Variants in THTPA observed in about 807,000 individuals in gnomAD.
THTPA encodes thiamine triphosphatase.
A neutral mutation model predicts 16.5 loss-of-function variants in THTPA; 16 were observed. The ratio of observed to expected loss-of-function variants is 0.97; its 90% CI spans 0.66 to 1.47. The LOEUF is 1.47. THTPA is among the 40% of genes most tolerant of loss of function. The pLI is 0.00. For synonymous variants in THTPA, 110 were observed against 115.5 expected (o/e 0.95, Z 0.30); for missense variants, 281 against 280.9 (o/e 1.00, Z 0.00).
chr14:23,556,568 C>G lies in THTPA; in HGVS notation c.-190C>G, dbSNP rs922020114. 13 of 620,756 alleles carry G rather than the reference C, an allele frequency of 2.1e-5. No homozygotes were observed. The highest frequency in any genetic ancestry group is 3.6e-5 in the Non-Finnish European group (13 of 361,080). The allele number at this position is 620,756 out of a possible 1,614,324, so 38.5% of individuals were successfully genotyped here. ...CACTGTCAGAGCCTTAAAATATCAC[C>G]GACGGGGCCTTAATGTCACCGAGGT... On this transcript the variant is annotated 5_prime_UTR_variant, in exon 1 of 2. Coordinates refer to ENST00000288014, the MANE Select transcript of THTPA (RefSeq NM_024328.6).
the THTPA span, among the ~76,000 whole-genome samples, chr14:23,518,917 C>T: frequency 6.6e-6 from 1 of 152,172 alleles, no homozygotes; most frequent in Non-Finnish European, 1.5e-5. This position sits in a 1 kb window ranked among gnomAD's most constrained non-coding sequence, Gnocchi z 4.5. Context: ...CTAAGGACTT[C>T]TGGTGTGAGA....
the THTPA span, chr14:23,532,551 C>T: frequency 0.016 from 22,858 of 1,432,724 alleles, 208 homozygotes; most frequent in Middle Eastern, 0.021. Context: ...GATGGCCCTT[C>T]CTGACCCAGC....
the THTPA span, among the ~76,000 whole-genome samples, chr14:23,536,932 G>T: frequency 6.6e-6 from 1 of 152,206 alleles, no homozygotes; most frequent in African/African-American, 2.4e-5. Flanking sequence ...GAGGTCAGGA[G>T]TTTGAGACTA....
intron 1 of THTPA, 29 bp from the exon 2 acceptor site, chr14:23,558,666 T>C (rs753346420): frequency 6.2e-7 from 1 of 1,613,878 alleles, no homozygotes; most frequent in Non-Finnish European, 8.5e-7. Context: ...CTCTGTCCAT[T>C]TCTCTCCTCA....
chr14:23,538,003 C>T, the THTPA span: 3 of 152,784 alleles, frequency 2.0e-5, no homozygotes, highest in African/African-American at 7.2e-5. Context: ...TGCTTCCTGG[C>T]TCCTGACTCA....
chr14:23,528,052 C>T, the THTPA span, among the ~76,000 whole-genome samples: 1 of 151,968 alleles, frequency 6.6e-6, no homozygotes, highest in African/African-American at 2.4e-5. Flanking sequence ...GGATTACAGG[C>T]GTGTGCAACC....
At position 23,560,117 on chromosome 14, in the gene THTPA, C is replaced by A; in HGVS notation, c.*1277C>A. ...CCCTCTATACTCAGTGGCTCCACACCCTTTTCCTGTAACTCCCCAAGTGCT... is the reference window on the plus strand; with the variant it reads ...CCCTCTATACTCAGTGGCTCCACACACTTTTCCTGTAACTCCCCAAGTGCT... On this transcript the variant is annotated 3_prime_UTR_variant, in exon 2 of 2. Transcript: ENST00000288014. 7.1e-7 allele frequency: 1 copy of A among 1,417,854 alleles called. No individual in the cohort carries two copies. The highest frequency in any genetic ancestry group is 2.4e-5 in the East Asian group (1 of 42,220). 87.8% of individuals were successfully genotyped at this position (1,417,854 alleles called of 1,614,324 possible). A position where few individuals can be genotyped will look rare whatever the true frequency, so the allele number is the denominator to read the frequency against.
the THTPA span, among the ~76,000 whole-genome samples, chr14:23,546,249 G>C: frequency 6.6e-6 from 1 of 152,130 alleles, no homozygotes; most frequent in Admixed American, 6.5e-5. The surrounding 1 kb of genome is among the most constrained non-coding windows in gnomAD (Gnocchi z 4.7). Flanking sequence ...TCCAGTTGAT[G>C]GTCCTGCTGG....
At chr14:23,522,967 G>C in the THTPA span, 1 of 1,432,776 alleles carries the variant, frequency 7.0e-7, no homozygotes. Context: ...GAAGGATGAA[G>C]GATTAGCCAT....
At chr14:23,525,358 C>T in the THTPA span, 1,664 of 1,536,036 alleles carry the variant, frequency 1.1e-3, 16 homozygotes, top group African/African-American at 0.02. This position sits in a 1 kb window ranked among gnomAD's most constrained non-coding sequence, Gnocchi z 5.9. Flanking sequence ...CTGCAAGGGG[C>T]GGGTATAGGC....
chr14:23,538,322 C>T, the THTPA span, among the ~76,000 whole-genome samples: 1 of 152,000 alleles, frequency 6.6e-6, no homozygotes, highest in Non-Finnish European at 1.5e-5. Context: ...CTCCCCCAAC[C>T]CCAACTCCCC....
At chr14:23,533,940 G>A in the THTPA span, 11 of 1,538,082 alleles carry the variant, frequency 7.2e-6, no homozygotes, top group East Asian at 4.9e-5. This position sits in a 1 kb window ranked among gnomAD's most constrained non-coding sequence, Gnocchi z 4.8. Context: ...GCTGGTACTT[G>A]TAGTGCCAGT....
At chr14:23,535,079 C>G in the THTPA span, 9 of 1,536,096 alleles carry the variant, frequency 5.9e-6, no homozygotes, top group South Asian at 2.4e-5. This position sits in a 1 kb window ranked among gnomAD's most constrained non-coding sequence, Gnocchi z 4.5. Context: ...GGGAAGTGAC[C>G]ACAGTCAGGC....
chr14:23,522,072 C>G, the THTPA span: 1 of 1,536,268 alleles, frequency 6.5e-7, no homozygotes, highest in Non-Finnish European at 8.7e-7. Context: ...GCAGTGGCGG[C>G]GTTGGTGATG....
At chr14:23,527,477 C>G in the THTPA span, 12 of 1,243,608 alleles carry the variant, frequency 9.6e-6, no homozygotes, top group Admixed American at 2.4e-4. Context: ...CCAGCCAACA[C>G]ACGCACTTGC....
At chr14:23,518,261 A>C in the THTPA span, among the ~76,000 whole-genome samples, 1 of 152,236 alleles carries the variant, frequency 6.6e-6, no homozygotes, top group African/African-American at 2.4e-5. This position sits in a 1 kb window ranked among gnomAD's most constrained non-coding sequence, Gnocchi z 4.5. Context: ...AACAGATCAC[A>C]GTGGTGGAGA....
chr14:23,523,093 G>A, the THTPA span: 12 of 1,401,490 alleles, frequency 8.6e-6, no homozygotes, highest in African/African-American at 4.3e-5. This position sits in a 1 kb window ranked among gnomAD's most constrained non-coding sequence, Gnocchi z 4.1. Context: ...CTGATGCAAA[G>A]GAAGGCCACA....
At chr14:23,528,660 C>G in the THTPA span, 2 of 985,456 alleles carry the variant, frequency 2.0e-6, no homozygotes, top group Non-Finnish European at 2.4e-6. Flanking sequence ...CATCCTCCCT[C>G]AGGCTCAGCA....
chr14:23,520,681 A>G, the THTPA span, among the ~76,000 whole-genome samples: 2 of 151,802 alleles, frequency 1.3e-5, no homozygotes, highest in Non-Finnish European at 2.9e-5. This position sits in a 1 kb window ranked among gnomAD's most constrained non-coding sequence, Gnocchi z 8.7. Context: ...GAGGCTGCGC[A>G]TAGCAGGGGA....
Sources: gnomAD v4.1 joint callset for allele counts (sites outside exome capture counted in the v4.1 genomes callset) on GRCh38, gnomAD v4.1.1 for gene constraint, Gnocchi (gnomAD v3.1) non-coding constraint, MANE v1.5 for transcripts, NCBI Gene and HGNC (gene_info 2026-07-23, HGNC 2026-07-21) for gene names.